RASGRP3: variants seen among roughly 807,000 people sequenced by gnomAD.
The protein encoded by RASGRP3 is RAS guanyl releasing protein 3, also known as ras guanyl-releasing protein 3.
Under a neutral mutation model 82.7 loss-of-function variants are expected in RASGRP3, and 54 were observed. The observed-to-expected ratio is 0.65, with a 90% CI of 0.52 to 0.82. The LOEUF (loss-of-function observed/expected upper bound fraction) is 0.82, where lower values mean the gene tolerates loss of function less well. RASGRP3 is among the 40% of genes least tolerant of loss of function. The pLI is 0.00. For synonymous variants in RASGRP3, 309 were observed against 300.5 expected (o/e 1.03, Z -0.29); for missense variants, 861 against 828.9 (o/e 1.04, Z -0.48).
chr2:33,464,205 G>A (rs184111966), intron 2 of RASGRP3, among the ~76,000 whole-genome samples: 58 of 145,872 alleles, frequency 4.0e-4, no homozygotes, highest in African/African-American at 1.3e-3. Flanking sequence ...TGCAACCTCC[G>A]CCTCCTGGGT....
chr2:33,540,543 C>G lies in RASGRP3; in HGVS notation c.1278+1333C>G, dbSNP rs866112790. 1.5e-3 allele frequency among the ~76,000 whole-genome samples: 86 copies of G among 57,886 alleles called. 2 individuals carry two copies. The highest frequency in any genetic ancestry group is 4.4e-3 in the African/African-American group (67 of 15,302). The allele number at this position is 57,886 out of a possible 152,430, so 38.0% of individuals were successfully genotyped here. A position where few individuals can be genotyped will look rare whatever the true frequency, so the allele number is the denominator to read the frequency against. On this transcript the variant is annotated intron_variant, in intron 12 of 17. Coordinates refer to ENST00000403687, the MANE Select transcript of RASGRP3 (RefSeq NM_001139488.2). Reference sequence around the variant, plus strand: ...GGAATTTCTCTCTCTCTCTCTCTCTCTGTGTGTGTGTTTTGTGTGTGTGTG... The same window carrying G: ...GGAATTTCTCTCTCTCTCTCTCTCTGTGTGTGTGTGTTTTGTGTGTGTGTG...
chr2:33,552,292 C>T (rs1380798292), intron 14 of RASGRP3, among the ~76,000 whole-genome samples: 7 of 152,132 alleles, frequency 4.6e-5, no homozygotes, highest in Non-Finnish European at 8.8e-5. Flanking sequence ...AGTTATTCAC[C>T]ATCTTTGGGT....
chr2:33,509,811 G>T (rs1670761025), intron 1 of RASGRP3, among the ~76,000 whole-genome samples: 1 of 152,110 alleles, frequency 6.6e-6, no homozygotes, highest in Admixed American at 6.5e-5. Context: ...CTAGTATTCT[G>T]TTCGGTGTCT....
chr2:33,475,329 A>G (rs1485607876), upstream of RASGRP3, among the ~76,000 whole-genome samples: 1 of 152,158 alleles, frequency 6.6e-6, no homozygotes, highest in Non-Finnish European at 1.5e-5. Flanking sequence ...TTTTTCTCTT[A>G]TTCTAGAAAA....
At chr2:33,536,227 A>T (rs1024701552) in intron 11 of RASGRP3, among the ~76,000 whole-genome samples, 3 of 148,072 alleles carry the variant, frequency 2.0e-5, no homozygotes, top group Non-Finnish European at 3.0e-5. Context: ...ACTCGAATCC[A>T]GGAGGCAGAG....
intron 1 of RASGRP3, among the ~76,000 whole-genome samples, chr2:33,447,077 G>C (rs1665539175): frequency 6.8e-6 from 1 of 147,984 alleles, no homozygotes; most frequent in Non-Finnish European, 1.5e-5. Context: ...CTACACTCCA[G>C]CCTGGGTGAC....
intron 1 of RASGRP3, among the ~76,000 whole-genome samples, chr2:33,447,442 T>G (rs1398250544): frequency 6.7e-6 from 1 of 148,678 alleles, no homozygotes; most frequent in African/African-American, 2.5e-5. Context: ...GTGTGCACAT[T>G]TTTTTTTTTT....
chr2:33,544,400 G>T (rs1429371557), intron 13 of RASGRP3, among the ~76,000 whole-genome samples: 1 of 151,786 alleles, frequency 6.6e-6, no homozygotes, highest in Non-Finnish European at 1.5e-5. Flanking sequence ...TTTTCTCTTT[G>T]ATTGATCAAA....
Position 33,556,231 on chromosome 2 carries a change from CTTTTTTTTT to C in RASGRP3, c.1579+683_1579+691del, listed in dbSNP as rs573022728. On this transcript the variant is annotated intron_variant, in intron 15 of 17. Transcript: ENST00000403687. The stretch of plus-strand genomic sequence containing the variant: ...CAGTTTATATGGTTCTTCTAATAAT[CTTTTTTTTT>C]TTTTTTTTTTTTTTTTTTGAGACGG... Among the ~76,000 whole-genome samples the C allele has an allele frequency of 4.7e-4, 27 of 57,490 alleles. 3 individuals carry two copies. The highest frequency in any genetic ancestry group is 1.8e-3 in the Admixed American group (8 of 4,436). 37.7% of individuals were successfully genotyped at this position (57,490 alleles called of 152,430 possible). A position where few individuals can be genotyped will look rare whatever the true frequency, so the allele number is the denominator to read the frequency against.
intron 14 of RASGRP3, among the ~76,000 whole-genome samples, chr2:33,554,004 T>C (rs930796038): frequency 2.6e-5 from 4 of 152,192 alleles, no homozygotes; most frequent in African/African-American, 9.6e-5. Flanking sequence ...CCGAAAGTGC[T>C]GGGATTACAG....
rs1327928404 is a variant in RASGRP3 at position 33,542,061 on chromosome 2, A to G, written c.1279-1451A>G. 3.4e-5 allele frequency among the ~76,000 whole-genome samples: 5 copies of G among 146,820 alleles called. No individual in the cohort carries two copies. The East Asian group carries it at 5.8e-4, about 17-fold the overall frequency. ...TTTGAGGCTGCAGTGAGCTATGATC[A>G]TGCCACTGCACTGTAGCCTGGGCAA... On this transcript the variant is annotated intron_variant, in intron 12 of 17. Coordinates refer to ENST00000403687, the MANE Select transcript of RASGRP3 (RefSeq NM_001139488.2).
At chr2:33,483,486 ATTT>A (rs202150682) in intron 1 of RASGRP3, among the ~76,000 whole-genome samples, 7 of 125,926 alleles carry the variant, frequency 5.6e-5, no homozygotes, top group African/African-American at 1.5e-4. Flanking sequence ...TTTAGCCACT[ATTT>A]TTTTTTTTTT....
In RASGRP3 at chr2:33,493,877, A is replaced by G. The variant is rs1040521873; in HGVS notation, c.-261+17170A>G. ...AAGAAATTCCATGACTGGTGATAGC[A>G]TATAGCTGTTTCATTTCTCCGTATC... On this transcript the variant is annotated intron_variant, in intron 1 of 17. Transcript: ENST00000403687. 3.3e-5 allele frequency among the ~76,000 whole-genome samples: 5 copies of G among 152,174 alleles called. No individual in the cohort carries two copies. In the South Asian group the frequency reaches 8.3e-4, roughly 25 times the overall value.
intron 2 of RASGRP3, among the ~76,000 whole-genome samples, chr2:33,463,638 G>A (rs867689716): frequency 4.9e-5 from 6 of 121,928 alleles, no homozygotes; most frequent in South Asian, 2.8e-4. Flanking sequence ...TCGCACTATC[G>A]CCCGGGCTAG....
intron 13 of RASGRP3, among the ~76,000 whole-genome samples, chr2:33,547,574 G>A (rs17597417): frequency 0.042 from 6,371 of 152,038 alleles, 181 homozygotes; most frequent in South Asian, 0.091. Context: ...GAGACAGAGA[G>A]TGGATCATCA....
At chr2:33,525,726 A>AAAAC (rs1553354884) in intron 9 of RASGRP3, among the ~76,000 whole-genome samples, 2 of 134,676 alleles carry the variant, frequency 1.5e-5, no homozygotes, top group East Asian at 2.9e-4. Flanking sequence ...AAAAAAAAAA[A>AAAAC]ACTAGCCAGG....
intron 1 of RASGRP3, among the ~76,000 whole-genome samples, chr2:33,446,493 T>G (rs1003584629): frequency 3.8e-3 from 2 of 524 alleles, no homozygotes; most frequent in African/African-American, 6.6e-3. Flanking sequence ...TTTTTTGGAT[T>G]TTTTTTTTTT....
intron 2 of RASGRP3, among the ~76,000 whole-genome samples, chr2:33,456,904 A>ATTTTTTTTT (rs10660284): frequency 7.4e-6 from 1 of 134,720 alleles, no homozygotes; most frequent in Non-Finnish European, 1.6e-5. Context: ...AGTGCTTTCT[A>ATTTTTTTTT]TTTTTTTTTT....
At chr2:33,529,701 C>A (rs750727796) in intron 10 of RASGRP3, among the ~76,000 whole-genome samples, 2 of 152,080 alleles carry the variant, frequency 1.3e-5, no homozygotes, top group Non-Finnish European at 2.9e-5. Flanking sequence ...TTGCTTTCAG[C>A]CTTCCCTCAG....
Sources: gnomAD v4.1 joint callset for allele counts (sites outside exome capture counted in the v4.1 genomes callset) on GRCh38, gnomAD v4.1.1 for gene constraint, MANE v1.5 for transcripts, NCBI Gene and HGNC (gene_info 2026-07-23, HGNC 2026-07-21) for gene names.